The following CDH5 variants were observed in gnomAD, a reference collection of about 807,000 sequenced individuals.
The protein encoded by CDH5 is cadherin 5, also known as cadherin-5.
In CDH5, 28 loss-of-function variants were observed where a neutral mutation model predicts 62.0. The ratio of observed to expected loss-of-function variants is 0.45; its 90% CI spans 0.33 to 0.62. The LOEUF (loss-of-function observed/expected upper bound fraction) is 0.62, where lower values mean the gene tolerates loss of function less well. Ranked by LOEUF, CDH5 falls within the 20% of genes least tolerant of loss-of-function variation. CDH5 has a pLI of 0.02. For synonymous variants in CDH5, 464 were observed against 445.8 expected (o/e 1.04, Z -0.52); for missense variants, 940 against 1,065.1 (o/e 0.88, Z 1.63).
intron 1 of CDH5, among the ~76,000 whole-genome samples, chr16:66,367,060 G>A (rs1960600589): frequency 6.6e-6 from 1 of 152,234 alleles, no homozygotes; most frequent in African/African-American, 2.4e-5. Flanking sequence ...TCAGTGCCAG[G>A]CTCAGAGAGG....
rs756215932 is a variant in CDH5, at chr16:66,387,078, G to A, written c.480G>A (p.Val160=). The A allele has an allele frequency of 1.2e-6, 2 of 1,612,028 alleles. No individual in the cohort carries two copies. Among genetic ancestry groups the A allele is most frequent in the Non-Finnish European group, 1.7e-6 (2 of 1,178,292 alleles). ...CGCATCGGTTGTTCAATGCGTCCGTGCCTGAGTCGTCGGCTGTGGGTACGT... is the reference window on the plus strand; with the variant it reads ...CGCATCGGTTGTTCAATGCGTCCGTACCTGAGTCGTCGGCTGTGGGTACGT... ...VFTHRLFNAS[V]PESSAVGTSV... The change falls in exon 3 of 12, where the codon GTG becomes GTA. Residue 160 remains valine (V), a synonymous_variant. Transcript: ENST00000341529.
intron 3 of CDH5, 152 bp from the exon 4 acceptor site, chr16:66,388,172 C>T: frequency 1.7e-6 from 1 of 605,362 alleles, no homozygotes; most frequent in Non-Finnish European, 2.9e-6. Flanking sequence ...TGCCCCCATG[C>T]AGGCTCCTCA....
At chr16:66,399,626 AAAT>A (rs763463986) in intron 10 of CDH5, among the ~76,000 whole-genome samples, 7 of 152,164 alleles carry the variant, frequency 4.6e-5, no homozygotes, top group Non-Finnish European at 1.0e-4. Flanking sequence ...CATTAGAAGT[AAAT>A]AATGTGGCAA....
chr16:66,379,658 G>A, intron 2 of CDH5, 111 bp downstream of exon 2: 2 of 915,272 alleles, frequency 2.2e-6, no homozygotes, highest in East Asian at 2.6e-5. Context: ...TGTGGTGGTT[G>A]TAGGAGTGGA....
At chr16:66,371,222 G>A (rs1468595003) in intron 1 of CDH5, among the ~76,000 whole-genome samples, 2 of 152,216 alleles carry the variant, frequency 1.3e-5, no homozygotes, top group Non-Finnish European at 2.9e-5. Flanking sequence ...CACAGAGTTT[G>A]GGGGTCACTG....
intron 2 of CDH5, among the ~76,000 whole-genome samples, chr16:66,381,120 T>C (rs927417322): frequency 6.6e-6 from 1 of 152,268 alleles, no homozygotes; most frequent in African/African-American, 2.4e-5. Flanking sequence ...GTGCTGAAGA[T>C]GAAGTTAATC....
chr16:66,368,965 C>CA (rs1239702876), intron 1 of CDH5, among the ~76,000 whole-genome samples: 10 of 152,210 alleles, frequency 6.6e-5, no homozygotes, highest in African/African-American at 2.4e-4. Context: ...GATCCAGGTT[C>CA]AAGCTGGTGT....
chr16:66,376,295 T>C (rs1426680753), intron 1 of CDH5: 1 of 152,150 alleles, frequency 6.6e-6, no homozygotes, highest in Non-Finnish European at 1.5e-5. Context: ...ATTAAAACCT[T>C]AGGGGACCAC....
chr16:66,397,900 G>A lies in CDH5; in HGVS notation c.1361-82G>A, dbSNP rs988631792. On this transcript the variant is annotated intron_variant, in intron 8 of 11. Coordinates refer to ENST00000341529, the MANE Select transcript of CDH5 (RefSeq NM_001795.5). ...TCCTGCAAAAAGTGGCCTCCATAGG[G>A]CAGCCCTCCTTCCACACATCTTCCA... The A allele has an allele frequency of 1.9e-6, 3 of 1,570,162 alleles. No individual in the cohort carries two copies. The African/African-American group carries it at 4.1e-5, about 21-fold the overall frequency.
At chr16:66,398,695 G>A in intron 10 of CDH5, 134 bp downstream of exon 10, 1 of 577,720 alleles carries the variant, frequency 1.7e-6, no homozygotes, top group Non-Finnish European at 3.2e-6. Context: ...TCACATCACT[G>A]CACTCCAGCC....
chr16:66,394,548 C>G (rs1283824143), intron 7 of CDH5, among the ~76,000 whole-genome samples: 5 of 136,652 alleles, frequency 3.7e-5, no homozygotes, highest in Admixed American at 2.5e-4. Context: ...CTTTGCTATA[C>G]AGTCTATGTT....
intron 1 of CDH5, among the ~76,000 whole-genome samples, chr16:66,371,173 T>A (rs1472010919): frequency 6.6e-6 from 1 of 152,130 alleles, no homozygotes; most frequent in Non-Finnish European, 1.5e-5. Flanking sequence ...AATACGCAAC[T>A]TTAAATGCCT....
chr16:66,371,309 A>T (rs1419574218), intron 1 of CDH5, among the ~76,000 whole-genome samples: 1 of 152,106 alleles, frequency 6.6e-6, no homozygotes, highest in Non-Finnish European at 1.5e-5. Flanking sequence ...AGGGCCACAC[A>T]CGGAGCTGGG....
intron 11 of CDH5, 65 bp downstream of exon 11, chr16:66,401,081 C>A (rs964748924): frequency 2.7e-5 from 43 of 1,602,826 alleles, no homozygotes; most frequent in Non-Finnish European, 3.2e-5. Flanking sequence ...TGTTGGGAGG[C>A]GGGGAGGCTT....
At chr16:66,401,070 G>T (rs1486404420) in intron 11 of CDH5, 54 bp downstream of exon 11, 2 of 1,610,470 alleles carry the variant, frequency 1.2e-6, no homozygotes, top group Non-Finnish European at 1.7e-6. Flanking sequence ...GGGATGGAAG[G>T]TGTTGGGAGG....
intron 8 of CDH5, among the ~76,000 whole-genome samples, chr16:66,396,798 C>T (rs1961192728): frequency 6.6e-6 from 1 of 152,088 alleles, no homozygotes; most frequent in Non-Finnish European, 1.5e-5. Flanking sequence ...TCACAATCAC[C>T]CTCCAGGAGA....
intron 2 of CDH5, among the ~76,000 whole-genome samples, chr16:66,384,227 G>T (rs1386979520): frequency 6.7e-6 from 1 of 149,360 alleles, no homozygotes; most frequent in Non-Finnish European, 1.5e-5. Flanking sequence ...TGAGACTACA[G>T]CTGGGTGTGC....
chr16:66,403,012 A>ACGAGGGCTC lies in CDH5; in HGVS notation c.2203_2211dup (p.Gly735_Glu737dup). 4 of 1,613,364 alleles carry ACGAGGGCTC rather than the reference A, an allele frequency of 2.5e-6. No homozygotes were observed. Among genetic ancestry groups the ACGAGGGCTC allele is most frequent in the Non-Finnish European group, 3.4e-6 (4 of 1,179,798 alleles). On this transcript the variant is annotated inframe_insertion, in exon 12 of 12. Coordinates refer to ENST00000341529, the MANE Select transcript of CDH5 (RefSeq NM_001795.5). The surrounding 1 kb of genome is among the most constrained non-coding windows in gnomAD (Gnocchi z 4.3). ...TACGACACGCTGCACATCTACGGCT[A>ACGAGGGCTC]CGAGGGCTCCGAGTCCATAGCCGAG... is the stretch of plus-strand genomic sequence containing the variant.
chr16:66,379,288 C>T, intron 1 of CDH5, 31 bp from the exon 2 acceptor site: 1 of 1,506,208 alleles, frequency 6.6e-7, no homozygotes, highest in Non-Finnish European at 9.1e-7. Context: ...CGTCACTGGC[C>T]AGAGTCTGAA....
Sources: gnomAD v4.1 joint callset for allele counts (sites outside exome capture counted in the v4.1 genomes callset) on GRCh38, gnomAD v4.1.1 for gene constraint, Gnocchi (gnomAD v3.1) non-coding constraint, MANE v1.5 for transcripts, NCBI Gene and HGNC (gene_info 2026-07-23, HGNC 2026-07-21) for gene names.